The following LIN54 variants were observed in gnomAD, a reference collection of about 807,000 sequenced individuals.
LIN54 encodes lin-54 DREAM MuvB core complex component, also known as protein lin-54 homolog.
A neutral mutation model predicts 78.7 loss-of-function variants in LIN54; 9 were observed. The ratio of observed to expected loss-of-function variants is 0.11; its 90% CI spans 0.07 to 0.20. The LOEUF (loss-of-function observed/expected upper bound fraction) is 0.20. Ranked by LOEUF, LIN54 falls within the 10% of genes least tolerant of loss-of-function variation. The pLI is 1.00. For missense variants in LIN54, 573 were observed against 889.9 expected, an observed-to-expected ratio of 0.64 and a Z score of 4.53; for synonymous variants, 269 against 318.4, an observed-to-expected ratio of 0.84 and a Z score of 1.65.
chr4:82,986,443 C>T (rs1445157790), intron 1 of LIN54, among the ~76,000 whole-genome samples: 2 of 151,926 alleles, frequency 1.3e-5, no homozygotes, highest in Admixed American at 6.6e-5. Context: ...AAAAATACAC[C>T]ACCCCGGCTG....
chr4:82,940,973 CGTT>C (rs973257165), intron 5 of LIN54, among the ~76,000 whole-genome samples: 15 of 152,024 alleles, frequency 9.9e-5, no homozygotes, highest in African/African-American at 3.4e-4. Flanking sequence ...CTGCCATCAT[CGTT>C]GTTACAACTG....
Position 82,925,930 on chromosome 4 carries a change from A to C in LIN54, c.*2172T>G, listed in dbSNP as rs1331926116. 2 of 152,648 alleles carry C rather than the reference A, an allele frequency of 1.3e-5. No homozygotes were observed. The highest frequency in any genetic ancestry group is 2.9e-5 in the Non-Finnish European group (2 of 68,030). 9.5% of individuals were successfully genotyped at this position (152,648 alleles called of 1,614,324 possible). On this transcript the variant is annotated 3_prime_UTR_variant, in exon 13 of 13. Transcript: ENST00000340417. ...ATTAATGTGGCTATTCATCTTGTTC[A>C]GCAATTTGATGCAAATGCCTGAATA... is the stretch of plus-strand genomic sequence containing the variant.
In LIN54 at chr4:82,998,512, G is replaced by A. The variant is rs185219236; in HGVS notation, c.-33+11972C>T. On this transcript the variant is annotated intron_variant, in intron 1 of 12. Transcript: ENST00000340417. ...AAGCCGAGATAGCAGCTCCAACTCG[G>A]GCGACGGTGCGAGACTCCGTCAGAG... Among the ~76,000 whole-genome samples the A allele has an allele frequency of 5.8e-5, 6 of 103,962 alleles. No homozygotes were observed. In the East Asian group the frequency reaches 1.7e-3, roughly 29 times the overall value. The allele number at this position is 103,962 out of a possible 152,430, so 68.2% of individuals were successfully genotyped here.
chr4:83,001,025 CCAGGCTGGT>C (rs1307206803), intron 1 of LIN54, among the ~76,000 whole-genome samples: 2 of 151,556 alleles, frequency 1.3e-5, no homozygotes, highest in Non-Finnish European at 2.9e-5. Context: ...GCCATGTTGG[CCAGGCTGGT>C]CTCAAACTCC....
At chr4:83,003,793 T>C (rs886905218) in intron 1 of LIN54, among the ~76,000 whole-genome samples, 9 of 152,224 alleles carry the variant, frequency 5.9e-5, no homozygotes, top group African/African-American at 1.2e-4. Flanking sequence ...CACAGAGTGC[T>C]GGAATTACAG....
At chr4:82,934,791 A>C (rs1020248892) in intron 11 of LIN54, among the ~76,000 whole-genome samples, 2 of 152,240 alleles carry the variant, frequency 1.3e-5, no homozygotes, top group Non-Finnish European at 2.9e-5. Flanking sequence ...CAAGAAGAGG[A>C]ATAACTCAAC....
chr4:82,950,783 T>A (rs981927954), intron 4 of LIN54, among the ~76,000 whole-genome samples: 1 of 152,154 alleles, frequency 6.6e-6, no homozygotes, highest in African/African-American at 2.4e-5. Context: ...ATATTTAAGA[T>A]AATTTCTTGG....
intron 1 of LIN54, among the ~76,000 whole-genome samples, chr4:83,008,342 A>G (rs10857216): frequency 0.3 from 45,189 of 152,052 alleles, 7,320 homozygotes; most frequent in East Asian, 0.5. Flanking sequence ...ACACCCAATA[A>G]TAATGTTTGA....
At chr4:82,935,903 T>C in intron 11 of LIN54, 78 bp downstream of exon 11, 1 of 1,424,190 alleles carries the variant, frequency 7.0e-7, no homozygotes, top group South Asian at 1.2e-5. Flanking sequence ...GATTTCCCAA[T>C]TTTCAAGTAA....
At chr4:82,972,372 G>A (rs1189152635) in intron 3 of LIN54, among the ~76,000 whole-genome samples, 1 of 152,026 alleles carries the variant, frequency 6.6e-6, no homozygotes, top group Non-Finnish European at 1.5e-5. Context: ...GTAGTACATA[G>A]ATTAATTTTA....
chr4:83,007,888 T>TA (rs879392446), intron 1 of LIN54, among the ~76,000 whole-genome samples: 116 of 146,492 alleles, frequency 7.9e-4, no homozygotes, highest in Non-Finnish European at 1.1e-3. Flanking sequence ...CCATCTCATT[T>TA]AAAAAAAAAA....
At chr4:82,981,669 A>G (rs1040794122) in intron 2 of LIN54, among the ~76,000 whole-genome samples, 3 of 152,184 alleles carry the variant, frequency 2.0e-5, no homozygotes, top group African/African-American at 7.2e-5. Context: ...AAAAAATTCT[A>G]AATCTAATTC....
rs1725542048 is a variant in LIN54 at position 82,970,414 on chromosome 4, A to G, written c.864T>C (p.Ser288=). 1 of 1,613,316 alleles carries G rather than the reference A, an allele frequency of 6.2e-7. No individual in the cohort carries two copies. The change falls in exon 4 of 13, where the codon TCT becomes TCC. Residue 288 remains serine (S), a synonymous_variant. Transcript: ENST00000340417. ...AAGTTGATCCAATAACACCACTTTC[A>G]GATATTGTTATGGTCTTTGATGGAG... The part of the protein sequence containing the change: ...PGTPSKTITI[S]ESGVIGSTLN...
intron 11 of LIN54, among the ~76,000 whole-genome samples, chr4:82,933,379 C>G (rs1447834170): frequency 1.5e-5 from 2 of 136,224 alleles, no homozygotes; most frequent in South Asian, 4.6e-4. Flanking sequence ...TCCCCTATAC[C>G]AAAAAAAAAA....
chr4:82,989,005 G>C (rs1027049987), intron 1 of LIN54, among the ~76,000 whole-genome samples: 1 of 151,992 alleles, frequency 6.6e-6, no homozygotes. Flanking sequence ...TGTCTAACAT[G>C]GTGAAACCCC....
In LIN54 at chr4:82,939,794, C is replaced by A. The variant is rs115186662; in HGVS notation, c.1243-58G>T. On this transcript the variant is annotated intron_variant, in intron 6 of 12. Transcript: ENST00000340417. ...AAATAAATTTTACAGCTGTTCAATT[C>A]AGTATAAATCTCTTGCACCTAAATC... The A allele has an allele frequency of 6.8e-4, 1,088 of 1,591,530 alleles. 9 individuals carry two copies. In the African/African-American group the frequency reaches 0.013, roughly 19 times the overall value.
intron 2 of LIN54, among the ~76,000 whole-genome samples, chr4:82,979,463 G>A (rs1008825502): frequency 6.6e-6 from 1 of 152,030 alleles, no homozygotes; most frequent in Admixed American, 6.6e-5. Context: ...ATTAAAGGTA[G>A]GCTTATGACT....
intron 1 of LIN54, among the ~76,000 whole-genome samples, chr4:82,991,829 A>T (rs1186030493): frequency 6.6e-6 from 1 of 151,944 alleles, no homozygotes; most frequent in African/African-American, 2.4e-5. Context: ...TATGAACCCC[A>T]CTTGATCATG....
upstream of LIN54, chr4:83,012,019 C>G: frequency 1.0e-6 from 1 of 985,264 alleles, no homozygotes; most frequent in Non-Finnish European, 1.2e-6. Flanking sequence ...ATTTCCCTAC[C>G]TTGTTTCAAT....
Sources: allele counts gnomAD v4.1 joint callset (sites outside exome capture counted in the v4.1 genomes callset), GRCh38; gene constraint gnomAD v4.1.1; transcripts MANE v1.5; gene names NCBI Gene and HGNC (gene_info 2026-07-23, HGNC 2026-07-21).